The following RANBP2 variants were observed in gnomAD, a reference collection of about 807,000 sequenced individuals.
The protein encoded by RANBP2 is RAN binding protein 2, also known as E3 SUMO-protein ligase RanBP2.
A neutral mutation model predicts 303.6 loss-of-function variants in RANBP2; 57 were observed. The observed-to-expected ratio is 0.19, with a 90% CI of 0.15 to 0.23. RANBP2 has a LOEUF of 0.23. Ranked by LOEUF, RANBP2 falls within the 10% of genes least tolerant of loss-of-function variation. RANBP2 has a pLI of 1.00. For missense variants in RANBP2, 3,138 were observed against 3,780.8 expected (o/e 0.83, Z 4.46); for synonymous variants, 1,167 against 1,301.5 (o/e 0.90, Z 2.23).
chr2:109,384,196 C>A, the RANBP2 span, among the ~76,000 whole-genome samples: 1 of 152,166 alleles, frequency 6.6e-6, no homozygotes, highest in African/African-American at 2.4e-5. Context: ...GCGCCGGCTG[C>A]GGGCCAGGCC....
chr2:109,016,081 GTTTGT>G, the RANBP2 span, among the ~76,000 whole-genome samples: 5 of 151,562 alleles, frequency 3.3e-5, no homozygotes, highest in South Asian at 8.3e-4. Context: ...TGGTTTTTTT[GTTTGT>G]TTTGTTTTGT....
the RANBP2 span, among the ~76,000 whole-genome samples, chr2:109,019,249 A>G: frequency 1.2e-4 from 19 of 152,304 alleles, no homozygotes; most frequent in East Asian, 3.3e-3. Flanking sequence ...TTAGATACCC[A>G]CATCAGATGC....
At chr2:109,501,776 C>G in the RANBP2 span, 37 of 638,998 alleles carry the variant, frequency 5.8e-5, 1 homozygote, top group East Asian at 3.3e-4. Flanking sequence ...CAGGTCATCT[C>G]CAAGGCACCT....
rs11682218 is a variant in RANBP2 at position 108,723,199 on chromosome 2, G to T, written c.72+3521G>T. Reference sequence around the variant, plus strand: ...TTAGTTGTTTTTTCTGCCCTTTACAGCTATACTTCATACTTCTGAGTAACA... The same window carrying T: ...TTAGTTGTTTTTTCTGCCCTTTACATCTATACTTCATACTTCTGAGTAACA... On this transcript the variant is annotated intron_variant, in intron 1 of 28. Coordinates refer to ENST00000283195, the MANE Select transcript of RANBP2 (RefSeq NM_006267.5). Among the ~76,000 whole-genome samples, 783 of 151,798 alleles carry T rather than the reference G, an allele frequency of 5.2e-3. 2 individuals carry two copies. Among genetic ancestry groups the T allele is most frequent in the Non-Finnish European group, 8.1e-3 (552 of 67,936 alleles).
At chr2:109,734,991 A>C in the RANBP2 span, among the ~76,000 whole-genome samples, 1 of 152,188 alleles carries the variant, frequency 6.6e-6, no homozygotes, top group Non-Finnish European at 1.5e-5. Flanking sequence ...TCAAACATTT[A>C]TAATTTCTTT....
chr2:109,454,953 G>A, the RANBP2 span, among the ~76,000 whole-genome samples: 1 of 152,110 alleles, frequency 6.6e-6, no homozygotes, highest in African/African-American at 2.4e-5. Flanking sequence ...CTCTTTATGG[G>A]TGTGGTAGTT....
At chr2:109,432,750 G>A in the RANBP2 span, 2 of 1,505,468 alleles carry the variant, frequency 1.3e-6, no homozygotes, top group Non-Finnish European at 8.9e-7. Context: ...ACTGCTGGAG[G>A]CTACTCTGTC....
At chr2:109,590,305 A>G in the RANBP2 span, among the ~76,000 whole-genome samples, 1 of 151,990 alleles carries the variant, frequency 6.6e-6, no homozygotes, top group Admixed American at 6.6e-5. Context: ...CCAGTTATTA[A>G]ATCAAACGCT....
the RANBP2 span, among the ~76,000 whole-genome samples, chr2:108,971,193 C>T: frequency 2.0e-5 from 3 of 152,140 alleles, no homozygotes; most frequent in South Asian, 6.2e-4. Flanking sequence ...AACTGGATTC[C>T]TTGTTCCATG....
the RANBP2 span, among the ~76,000 whole-genome samples, chr2:108,844,002 C>T: frequency 1.3e-5 from 2 of 149,270 alleles, no homozygotes; most frequent in African/African-American, 2.5e-5. Flanking sequence ...GCTGGGACCA[C>T]GGTCATGTAC....
the RANBP2 span, chr2:109,613,517 T>C: frequency 5.6e-3 from 1,315 of 234,196 alleles, 7 homozygotes; most frequent in Non-Finnish European, 7.4e-3. Context: ...GGATGTAACT[T>C]TTGGCAAAGA....
chr2:109,489,557 T>C, the RANBP2 span, among the ~76,000 whole-genome samples: 1 of 152,146 alleles, frequency 6.6e-6, no homozygotes, highest in Non-Finnish European at 1.5e-5. Context: ...ACAATGACGT[T>C]GCCAGGCTTG....
the RANBP2 span, among the ~76,000 whole-genome samples, chr2:109,644,626 C>A: frequency 7.9e-5 from 12 of 152,292 alleles, no homozygotes; most frequent in African/African-American, 2.6e-4. Flanking sequence ...TAACCACATT[C>A]AGAACTGTGA....
the RANBP2 span, among the ~76,000 whole-genome samples, chr2:108,834,718 C>G: frequency 5.3e-5 from 8 of 152,288 alleles, no homozygotes; most frequent in East Asian, 1.3e-3. Flanking sequence ...TTTTCATTAT[C>G]TGAAACAATT....
At chr2:109,642,477 C>A in the RANBP2 span, among the ~76,000 whole-genome samples, 1 of 151,762 alleles carries the variant, frequency 6.6e-6, no homozygotes, top group Non-Finnish European at 1.5e-5. Flanking sequence ...AGGCCGGGAG[C>A]GGTGGCTCAC....
chr2:109,494,002 G>A, the RANBP2 span, among the ~76,000 whole-genome samples: 4 of 152,250 alleles, frequency 2.6e-5, no homozygotes, highest in Admixed American at 6.5e-5. Flanking sequence ...TGTGTTTTCC[G>A]GATGGGTCCT....
the RANBP2 span, among the ~76,000 whole-genome samples, chr2:109,121,174 G>A: frequency 4.0e-5 from 6 of 151,844 alleles, no homozygotes; most frequent in Non-Finnish European, 8.8e-5. Context: ...ATGCGCCCAG[G>A]AGGTGGAGCT....
At chr2:109,053,402 C>T in the RANBP2 span, among the ~76,000 whole-genome samples, 2 of 152,198 alleles carry the variant, frequency 1.3e-5, no homozygotes, top group African/African-American at 4.8e-5. Context: ...AGAGGAATGG[C>T]CTGGACAGCT....
At chr2:109,606,556 C>G in the RANBP2 span, among the ~76,000 whole-genome samples, 2 of 151,340 alleles carry the variant, frequency 1.3e-5, no homozygotes, top group Non-Finnish European at 1.5e-5. Flanking sequence ...AAAAATATAT[C>G]TTGACTACTT....
Sources: allele counts gnomAD v4.1 joint callset (sites outside exome capture counted in the v4.1 genomes callset), GRCh38; gene constraint gnomAD v4.1.1; transcripts MANE v1.5; gene names NCBI Gene and HGNC (gene_info 2026-07-23, HGNC 2026-07-21).